CCDC171: variants seen among roughly 807,000 people sequenced by gnomAD.
CCDC171 encodes the protein coiled-coil domain containing 171, also known as coiled-coil domain-containing protein 171.
A neutral mutation model predicts 168.2 loss-of-function variants in CCDC171; 177 were observed. The ratio of observed to expected loss-of-function variants is 1.05; its 90% CI spans 0.93 to 1.19. The LOEUF (loss-of-function observed/expected upper bound fraction) is 1.19. CCDC171 is among the 50% of genes most tolerant of loss of function. CCDC171 has a pLI of 0.00. For missense variants in CCDC171, 1,991 were observed against 1,539.0 expected, an observed-to-expected ratio of 1.29 and a Z score of -4.91; for synonymous variants, 687 against 540.8, an observed-to-expected ratio of 1.27 and a Z score of -3.75.
chr9:15,721,896 C>T, intron 12 of CCDC171, 21 bp downstream of exon 12: 1 of 1,338,894 alleles, frequency 7.5e-7, no homozygotes, highest in Non-Finnish European at 1.0e-6. Context: ...CACTGTTTGG[C>T]TCCACACATA....
chr9:15,942,090 A>G (rs1476218816), intron 25 of CCDC171, among the ~76,000 whole-genome samples: 1 of 151,864 alleles, frequency 6.6e-6, no homozygotes, highest in East Asian at 1.9e-4. Flanking sequence ...TCTCTCCCCA[A>G]ACATCCTCTT....
rs974032423 is a variant in CCDC171, at chr9:15,627,280, T to G, written c.822+3867T>G. 6.6e-5 allele frequency among the ~76,000 whole-genome samples: 10 copies of G among 152,326 alleles called. No individual in the cohort carries two copies. The South Asian group carries it at 2.1e-3, about 32-fold the overall frequency. On this transcript the variant is annotated intron_variant, in intron 7 of 25. Transcript: ENST00000380701. ...TTCAAAAAACCAACTCCTGGATTCA[T>G]TGATTTTTTTCAAGGGTTTTTTGTG...
chr9:15,987,829 C>T (rs1049463173), intron 3 of CCDC171, among the ~76,000 whole-genome samples: 3 of 148,356 alleles, frequency 2.0e-5, no homozygotes, highest in Non-Finnish European at 4.5e-5. Flanking sequence ...AGTCTAAACA[C>T]AAAATTCATT....
intron 20 of CCDC171, among the ~76,000 whole-genome samples, chr9:15,779,925 T>G (rs2057571101): frequency 6.6e-6 from 1 of 152,212 alleles, no homozygotes; most frequent in Non-Finnish European, 1.5e-5. Context: ...ACATTGCTGT[T>G]TTTAATGTGG....
intron 16 of CCDC171, among the ~76,000 whole-genome samples, chr9:15,742,722 C>T (rs1260235391): frequency 2.0e-5 from 3 of 152,190 alleles, no homozygotes; most frequent in Non-Finnish European, 4.4e-5. Flanking sequence ...CCTGGAATAT[C>T]TCTATCATAG....
At chr9:16,081,066 C>T in the CCDC171 span, among the ~76,000 whole-genome samples, 1 of 152,184 alleles carries the variant, frequency 6.6e-6, no homozygotes, top group South Asian at 2.1e-4. Context: ...AGAAACACTC[C>T]TTCCTGCGAG....
Position 15,971,772 on chromosome 9 carries a change from C to A in CCDC171, c.3917C>A (p.Ser1306Ter). 1 of 1,613,978 alleles carries A rather than the reference C, an allele frequency of 6.2e-7. No homozygotes were observed. The highest frequency in any genetic ancestry group is 1.3e-5 in the African/African-American group (1 of 75,034). Residue 1306 changes from serine to a stop codon, truncating the protein, a stop_gained, in exon 26 of 26, where the codon TCA (serine) becomes TAA (stop). Coordinates refer to ENST00000380701, the MANE Select transcript of CCDC171 (RefSeq NM_173550.4). LOFTEE classifies it high-confidence loss of function. ...AATACTGTGCCCCATGCTCTGACAT[C>A]ATCTCACTCCTCTCCAGTGACTATG... is the stretch of plus-strand genomic sequence containing the variant. ...FINTVPHALTSSHSSPVTMSA... is the reference protein window; with the variant it reads ...FINTVPHALT
chr9:16,077,562 A>T, the CCDC171 span, among the ~76,000 whole-genome samples: 2 of 152,088 alleles, frequency 1.3e-5, no homozygotes, highest in African/African-American at 4.8e-5. Context: ...AAAACACCTG[A>T]TCCAAGTGCT....
Position 15,919,203 on chromosome 9 carries a change from A to G in CCDC171, c.3601-1067A>G, listed in dbSNP as rs116962740. On this transcript the variant is annotated intron_variant, in intron 24 of 25. Transcript: ENST00000380701. The stretch of plus-strand genomic sequence containing the variant: ...GCTGGTTTTTTGAGGGCAAATAAGA[A>G]TTTATTAGGCCAAAAGGTCTGAATT... Among the ~76,000 whole-genome samples the G allele has an allele frequency of 4.6e-5, 7 of 151,748 alleles. No homozygotes were observed. The East Asian group carries it at 1.2e-3, about 25-fold the overall frequency.
chr9:15,774,048 C>G (rs899772652), intron 18 of CCDC171, among the ~76,000 whole-genome samples: 3 of 151,884 alleles, frequency 2.0e-5, no homozygotes, highest in Non-Finnish European at 4.4e-5. Context: ...GATTTCAAGA[C>G]CAGTCTGGTC....
At chr9:15,880,714 G>A (rs934196179) in intron 24 of CCDC171, among the ~76,000 whole-genome samples, 1 of 149,578 alleles carries the variant, frequency 6.7e-6, no homozygotes, top group African/African-American at 2.5e-5. Context: ...GACCTCAAGT[G>A]ATTCACCCGC....
At chr9:15,587,603 T>C (rs982931695) in intron 4 of CCDC171, 3 of 456,536 alleles carry the variant, frequency 6.6e-6, no homozygotes, top group Admixed American at 2.3e-5. Flanking sequence ...GATACTGATG[T>C]TGGAGGTTTC....
chr9:15,618,048 C>T (rs1223829010), intron 6 of CCDC171, among the ~76,000 whole-genome samples: 5 of 152,134 alleles, frequency 3.3e-5, no homozygotes, highest in South Asian at 2.1e-4. Context: ...TGGGAGAATC[C>T]CCCTTGTCAG....
intron 21 of CCDC171, among the ~76,000 whole-genome samples, chr9:15,823,992 T>C (rs1319859380): frequency 1.3e-5 from 2 of 152,288 alleles, no homozygotes; most frequent in Non-Finnish European, 2.9e-5. Context: ...GAAAACTTAA[T>C]AGCATTGAAT....
At chr9:16,036,977 A>C (rs1433812956) in intron 8 of CCDC171, among the ~76,000 whole-genome samples, 1 of 152,252 alleles carries the variant, frequency 6.6e-6, no homozygotes, top group Non-Finnish European at 1.5e-5. Context: ...AGTTGTGCTC[A>C]TAGAAGTAAA....
intron 9 of CCDC171, among the ~76,000 whole-genome samples, chr9:15,673,709 T>C (rs983450340): frequency 2.0e-5 from 3 of 152,192 alleles, no homozygotes; most frequent in African/African-American, 7.2e-5. Context: ...AACTTGATCG[T>C]GGTGGATAAG....
intron 11 of CCDC171, among the ~76,000 whole-genome samples, chr9:15,707,649 A>G (rs967422704): frequency 6.6e-6 from 1 of 152,166 alleles, no homozygotes; most frequent in Non-Finnish European, 1.5e-5. Context: ...GAGTGTTATC[A>G]TTCATCCCAA....
intron 20 of CCDC171, among the ~76,000 whole-genome samples, chr9:15,781,075 T>G (rs2057642182): frequency 6.6e-6 from 1 of 152,198 alleles, no homozygotes; most frequent in Non-Finnish European, 1.5e-5. Context: ...GTATTTAGAT[T>G]TAGATAATAA....
chr9:15,653,710 C>A lies in CCDC171; in HGVS notation c.823-3417C>A, dbSNP rs560731531. Among the ~76,000 whole-genome samples, 61 of 152,246 alleles carry A rather than the reference C, an allele frequency of 4.0e-4. 1 individual carries two copies. Among genetic ancestry groups the A allele is most frequent in the South Asian group, 1.9e-3 (9 of 4,816 alleles). On this transcript the variant is annotated intron_variant, in intron 7 of 25. Coordinates refer to ENST00000380701, the MANE Select transcript of CCDC171 (RefSeq NM_173550.4). Reference sequence around the variant, plus strand: ...ACCATATCTAGACATTATATAGTTTCATCCCTGAACACTTTAGTATGTATT... The same window carrying A: ...ACCATATCTAGACATTATATAGTTTAATCCCTGAACACTTTAGTATGTATT...
Sources: allele counts gnomAD v4.1 joint callset (sites outside exome capture counted in the v4.1 genomes callset), GRCh38; gene constraint gnomAD v4.1.1; transcripts MANE v1.5; gene names NCBI Gene and HGNC (gene_info 2026-07-23, HGNC 2026-07-21).